The following PTPRD variants were observed in gnomAD, a reference collection of about 807,000 sequenced individuals.
The protein encoded by PTPRD is receptor-type tyrosine-protein phosphatase delta.
A neutral mutation model predicts 214.5 loss-of-function variants in PTPRD; 34 were observed. That is an observed-to-expected ratio of 0.16 (90% CI 0.12 to 0.21). The LOEUF is 0.21. Among genes scored for constraint, PTPRD ranks in the 10% least tolerant of loss-of-function variants. PTPRD has a pLI of 1.00. For synonymous variants in PTPRD, 1,128 were observed against 845.7 expected, an observed-to-expected ratio of 1.33 and a Z score of -5.79; for missense variants, 2,545 against 2,398.7, an observed-to-expected ratio of 1.06 and a Z score of -1.27.
chr9:10,140,848 C>T (rs291280), intron 3 of PTPRD, among the ~76,000 whole-genome samples: 1 of 147,922 alleles, frequency 6.8e-6, no homozygotes, highest in Non-Finnish European at 1.5e-5. Context: ...CAAAAATCCT[C>T]AATAAAATAC....
intron 3 of PTPRD, among the ~76,000 whole-genome samples, chr9:10,122,885 A>G (rs2154249877): frequency 1.3e-5 from 2 of 152,314 alleles, no homozygotes; most frequent in Middle Eastern, 3.4e-3. Flanking sequence ...GGTGAGAGGA[A>G]TTTCCTTGAC....
intron 11 of PTPRD, among the ~76,000 whole-genome samples, chr9:8,820,696 C>A (rs908948258): frequency 6.6e-6 from 1 of 152,140 alleles, no homozygotes; most frequent in South Asian, 2.1e-4. Flanking sequence ...GCGAACGCCT[C>A]CTTGAAATTA....
intron 14 of PTPRD, among the ~76,000 whole-genome samples, chr9:8,580,678 T>C (rs1341366300): frequency 3.9e-5 from 6 of 152,166 alleles, no homozygotes; most frequent in Admixed American, 3.9e-4. Context: ...TGTGTAATTA[T>C]TGGAATAGCT....
chr9:8,322,947 A>G (rs1157154930), intron 44 of PTPRD, among the ~76,000 whole-genome samples: 1 of 152,134 alleles, frequency 6.6e-6, no homozygotes, highest in Non-Finnish European at 1.5e-5. Context: ...CAAGAATTAC[A>G]CTAAATATAC....
rs182248380 is a variant in PTPRD, at chr9:10,177,938, A to C, written c.-544-144148T>G. On this transcript the variant is annotated intron_variant, in intron 3 of 45. Coordinates refer to ENST00000381196, the MANE Select transcript of PTPRD (RefSeq NM_002839.4). ...TAAGGTACCAGAAATAGCCAATTGC[A>C]AACCAAAATGGGAGCAGTCCAGAGA... Among the ~76,000 whole-genome samples, 5 of 152,094 alleles carry C rather than the reference A, an allele frequency of 3.3e-5. No individual in the cohort carries two copies. In the East Asian group the frequency reaches 5.8e-4, roughly 18 times the overall value.
chr9:10,429,242 A>C (rs1295355329), intron 2 of PTPRD, among the ~76,000 whole-genome samples: 1 of 151,972 alleles, frequency 6.6e-6, no homozygotes, highest in Admixed American at 6.6e-5. Flanking sequence ...TAGGAATGTA[A>C]ATTAGTACAG....
intron 5 of PTPRD, among the ~76,000 whole-genome samples, chr9:9,848,879 C>G (rs996415813): frequency 6.6e-6 from 1 of 151,952 alleles, no homozygotes; most frequent in African/African-American, 2.4e-5. Context: ...CAATAACATA[C>G]TTTAAATTTC....
intron 12 of PTPRD, among the ~76,000 whole-genome samples, chr9:8,655,700 T>C (rs2096895029): frequency 6.6e-6 from 1 of 152,004 alleles, no homozygotes; most frequent in Non-Finnish European, 1.5e-5. Context: ...CTATTTTTTA[T>C]ATTCCCTAGA....
intron 9 of PTPRD, among the ~76,000 whole-genome samples, chr9:9,187,809 G>T (rs1214825560): frequency 2.0e-5 from 3 of 151,714 alleles, no homozygotes; most frequent in African/African-American, 7.3e-5. Context: ...GTGTTATGTT[G>T]TGTGTGTGTT....
At chr9:8,772,805 T>A (rs1276623940) in intron 11 of PTPRD, among the ~76,000 whole-genome samples, 1 of 152,204 alleles carries the variant, frequency 6.6e-6, no homozygotes, top group African/African-American at 2.4e-5. Flanking sequence ...TTTTATTAGA[T>A]ACCAGATATT....
chr9:9,288,536 T>A (rs903677312), intron 9 of PTPRD, among the ~76,000 whole-genome samples: 1 of 151,900 alleles, frequency 6.6e-6, no homozygotes. Flanking sequence ...AAAAAATATT[T>A]AAAAACAGAA....
chr9:8,738,376 TTCTATAC>T (rs1198236995), intron 11 of PTPRD, among the ~76,000 whole-genome samples: 1 of 149,448 alleles, frequency 6.7e-6, no homozygotes, highest in Non-Finnish European at 1.5e-5. Flanking sequence ...TTTTTCAGCT[TTCTATAC>T]TGTTATTTGT....
At chr9:10,238,499 C>G (rs982016321) in intron 3 of PTPRD, among the ~76,000 whole-genome samples, 4 of 151,870 alleles carry the variant, frequency 2.6e-5, no homozygotes, top group African/African-American at 7.2e-5. Context: ...TGTATACGCT[C>G]CAGAATGCAA....
chr9:8,387,897 T>A (rs2087772237), intron 37 of PTPRD, among the ~76,000 whole-genome samples: 1 of 152,216 alleles, frequency 6.6e-6, no homozygotes, highest in Non-Finnish European at 1.5e-5. Context: ...AACTGCTTGA[T>A]ATATAGGAGT....
intron 9 of PTPRD, among the ~76,000 whole-genome samples, chr9:9,310,320 G>A: frequency 6.6e-6 from 1 of 152,098 alleles, no homozygotes; most frequent in East Asian, 1.9e-4. Flanking sequence ...TTGCAGTGCT[G>A]AGACTTTTAT....
chr9:9,176,661 G>A (rs1367175940), intron 10 of PTPRD, among the ~76,000 whole-genome samples: 1 of 152,038 alleles, frequency 6.6e-6, no homozygotes, highest in Non-Finnish European at 1.5e-5. Context: ...TAGTAGAAGT[G>A]GTTTAATTAT....
chr9:9,124,479 G>C (rs1156272270), intron 10 of PTPRD, among the ~76,000 whole-genome samples: 1 of 152,086 alleles, frequency 6.6e-6, no homozygotes. Flanking sequence ...AATTAGACCA[G>C]AGAAGAAATG....
At chr9:8,739,991 T>C (rs1199212155) in intron 11 of PTPRD, among the ~76,000 whole-genome samples, 1 of 152,214 alleles carries the variant, frequency 6.6e-6, no homozygotes, top group Non-Finnish European at 1.5e-5. Context: ...ATTAAACCTT[T>C]TTTTCTTCCC....
At chr9:9,934,087 AG>A (rs1412092748) in intron 5 of PTPRD, among the ~76,000 whole-genome samples, 1 of 150,068 alleles carries the variant, frequency 6.7e-6, no homozygotes, top group Non-Finnish European at 1.5e-5. Flanking sequence ...CAGTGTGTAG[AG>A]GGAAATTTAT....
Sources: allele counts gnomAD v4.1 joint callset (sites outside exome capture counted in the v4.1 genomes callset), GRCh38; gene constraint gnomAD v4.1.1; transcripts MANE v1.5; gene names NCBI Gene and HGNC (gene_info 2026-07-23, HGNC 2026-07-21).